Variants in GLI3 observed in about 807,000 individuals in gnomAD.
GLI3 encodes the protein GLI family zinc finger 3, also known as transcription activator GLI3.
In GLI3, 20 loss-of-function variants were observed where a neutral mutation model predicts 100.8. The observed-to-expected ratio is 0.20, with a 90% CI of 0.14 to 0.29. The LOEUF is 0.29. Among genes scored for constraint, GLI3 ranks in the 10% least tolerant of loss-of-function variants. GLI3 has a pLI of 1.00. For missense variants in GLI3, 2,040 were observed against 2,128.5 expected (o/e 0.96, Z 0.82); for synonymous variants, 938 against 860.5 (o/e 1.09, Z -1.58).
In GLI3 at chr7:42,056,798, A is replaced by AAAATAAATAAATAAATAAAT. The variant is rs553929567; in HGVS notation, c.474-8122_474-8103dup. Among the ~76,000 whole-genome samples, 1,086 of 148,488 alleles carry AAAATAAATAAATAAATAAAT rather than the reference A, an allele frequency of 7.3e-3. 7 individuals are homozygous for AAAATAAATAAATAAATAAAT. The highest frequency in any genetic ancestry group is 0.016 in the African/African-American group (648 of 40,044). On this transcript the variant is annotated intron_variant, in intron 4 of 14. Transcript: ENST00000395925. ...AAACCCCGTCTCTACTAAAAATACA[A>AAAATAAATAAATAAATAAAT]AAATAAATAAATAAATAAATAAATA...
Position 42,016,898 on chromosome 7 carries a change from CTTG to C in GLI3, c.1497+6567_1497+6569del, listed in dbSNP as rs542990834. Among the ~76,000 whole-genome samples the C allele has an allele frequency of 6.6e-5, 10 of 152,304 alleles. No individual in the cohort carries two copies. The South Asian group carries it at 2.1e-3, about 32-fold the overall frequency. On this transcript the variant is annotated intron_variant, in intron 10 of 14. Transcript: ENST00000395925. ...ATTATGGCTTCTTTATGTTTCACCT[CTTG>C]TTGTTCACTATGCTTTTATGTTTCC...
At chr7:42,201,653 C>A (rs528003366) in intron 2 of GLI3, among the ~76,000 whole-genome samples, 22 of 152,286 alleles carry the variant, frequency 1.4e-4, no homozygotes, top group African/African-American at 5.1e-4. Flanking sequence ...TACTACATAC[C>A]TAGGCTGTAT....
intron 12 of GLI3, among the ~76,000 whole-genome samples, chr7:41,976,369 G>A (rs1479359880): frequency 2.6e-5 from 4 of 152,222 alleles, no homozygotes; most frequent in African/African-American, 9.6e-5. Context: ...ACATGTGTGA[G>A]TTTATGAGTG....
chr7:42,040,235 G>A lies in GLI3; in HGVS notation c.831C>T (p.Thr277=). The change falls in exon 7 of 15, where the codon ACC becomes ACT. Residue 277 remains threonine, a synonymous_variant. Transcript: ENST00000395925. ...HMEYLHAMDS[T]RFSSPRLSAR... ...CTGACAGCCTGGGGCTGGAGAATCT[G>A]GTGCCTGTTATATAAACAAAAAAGA... 6.2e-7 allele frequency: 1 copy of A among 1,611,976 alleles called. No homozygotes were observed. The highest frequency in any genetic ancestry group is 1.1e-5 in the South Asian group (1 of 91,024).
At chr7:42,014,887 G>A (rs529732771) in intron 10 of GLI3, among the ~76,000 whole-genome samples, 46 of 151,954 alleles carry the variant, frequency 3.0e-4, no homozygotes, top group Non-Finnish European at 4.6e-4. Flanking sequence ...GCCTGCATAG[G>A]CGAGCCTGTG....
At chr7:42,253,879 T>G (rs991235123) in intron 1 of GLI3, among the ~76,000 whole-genome samples, 2 of 152,132 alleles carry the variant, frequency 1.3e-5, no homozygotes, top group Non-Finnish European at 2.9e-5. Flanking sequence ...AGTCTTTTTT[T>G]GGGATTTTCT....
In GLI3 at chr7:42,181,287, T is replaced by G. The variant is rs1787586469; in HGVS notation, c.125-32819A>C. Among the ~76,000 whole-genome samples the G allele has an allele frequency of 2.0e-5, 3 of 152,148 alleles. No individual in the cohort carries two copies. The South Asian group carries it at 6.2e-4, about 31-fold the overall frequency. ...ACATCACAGACAGCAATGGGTAACA[T>G]GACTTAAATTTCAGCCTATGCAGAA... On this transcript the variant is annotated intron_variant, in intron 2 of 14. Transcript: ENST00000395925.
At chr7:42,256,359 T>C (rs546268317) in intron 1 of GLI3, among the ~76,000 whole-genome samples, 1 of 152,180 alleles carries the variant, frequency 6.6e-6, no homozygotes, top group East Asian at 1.9e-4. Context: ...TCTTCACCCA[T>C]CCCAAGATAT....
chr7:42,049,818 G>A (rs1033971366), intron 4 of GLI3, among the ~76,000 whole-genome samples: 5 of 152,144 alleles, frequency 3.3e-5, no homozygotes, highest in African/African-American at 4.8e-5. Flanking sequence ...TGTGCTCCCC[G>A]CTTTTCCTCA....
At chr7:41,974,461 G>C (rs185996148) in intron 12 of GLI3, among the ~76,000 whole-genome samples, 133 of 152,274 alleles carry the variant, frequency 8.7e-4, no homozygotes, top group African/African-American at 3.1e-3. Flanking sequence ...AATATAATTA[G>C]AGACTAAGAA....
At position 41,964,161 on chromosome 7, in the gene GLI3, T is replaced by C. The variant is rs1583726828; in HGVS notation, c.*169A>G. ...AGTTTCTCCCTAGAATACTTTAGGG[T>C]TTTTCAGAGTCCTTTTCCATAAAAG... On this transcript the variant is annotated 3_prime_UTR_variant, in exon 15 of 15. Coordinates refer to ENST00000395925, the MANE Select transcript of GLI3 (RefSeq NM_000168.6). 2 of 607,982 alleles carry C rather than the reference T, an allele frequency of 3.3e-6. No homozygotes were observed. The highest frequency in any genetic ancestry group is 5.8e-5 in the East Asian group (2 of 34,780). 37.7% of individuals were successfully genotyped at this position (607,982 alleles called of 1,614,324 possible).
Position 41,965,224 on chromosome 7 carries a change from G to A in GLI3, c.3849C>T (p.Ser1283=). Residue 1283 remains serine (S), a synonymous_variant, in exon 15 of 15, where the codon AGC becomes AGT. Transcript: ENST00000395925. ...GGCCCCCGCTCCCTTGCATGGGGGT[G>A]CTCTTCAGCTTTGAGGCTTGAATCC... The part of the protein sequence containing the change: ...GAGIQASKLK[S]TPMQGSGGQL... 6.2e-7 allele frequency: 1 copy of A among 1,613,902 alleles called. No homozygotes were observed. Among genetic ancestry groups the A allele is most frequent in the South Asian group, 1.1e-5 (1 of 91,086 alleles).
Position 42,023,624 on chromosome 7 carries a change from G to C in GLI3, c.1357-16C>G, listed in dbSNP as rs751079629. On this transcript the variant is annotated splice_polypyrimidine_tract_variant and intron_variant, in intron 9 of 14. Coordinates refer to ENST00000395925, the MANE Select transcript of GLI3 (RefSeq NM_000168.6). ...CGGGCTGTTCCTGAAAGAAGAGGGT[G>C]GGGGGCAGGGAACAGAGAAGGGGGA... The C allele has an allele frequency of 2.8e-5, 45 of 1,591,882 alleles. 1 individual carries two copies. The South Asian group carries it at 3.4e-4, about 12-fold the overall frequency.
chr7:41,977,421 C>T (rs987308525), intron 12 of GLI3, 137 bp downstream of exon 12: 1 of 860,028 alleles, frequency 1.2e-6, no homozygotes, highest in African/African-American at 1.7e-5. Context: ...AAGCCTTCAC[C>T]TGCAGGGGCA....
At chr7:42,145,858 G>A (rs1413777394) in intron 3 of GLI3, among the ~76,000 whole-genome samples, 1 of 152,096 alleles carries the variant, frequency 6.6e-6, no homozygotes. Flanking sequence ...TATTTGCATT[G>A]TCTCAATTTC....
At chr7:41,996,280 G>C (rs1379849167) in intron 10 of GLI3, among the ~76,000 whole-genome samples, 1 of 151,418 alleles carries the variant, frequency 6.6e-6, no homozygotes, top group Non-Finnish European at 1.5e-5. Flanking sequence ...TTATTTGTTG[G>C]AACAATTATT....
intron 2 of GLI3, among the ~76,000 whole-genome samples, chr7:42,209,324 T>G (rs1788217500): frequency 1.3e-5 from 2 of 152,206 alleles, no homozygotes; most frequent in Non-Finnish European, 2.9e-5. Context: ...GTGCTGGGAT[T>G]ACAAGTATGG....
Position 41,965,261 on chromosome 7 carries a change from G to T in GLI3, c.3812C>A (p.Ala1271Asp). 6.2e-7 allele frequency: 1 copy of T among 1,613,640 alleles called. No individual in the cohort carries two copies. Among genetic ancestry groups the T allele is most frequent in the East Asian group, 2.2e-5 (1 of 44,852 alleles). The change falls in exon 15 of 15, where the codon GCC (alanine) becomes GAC (aspartate). Residue 1271 changes from alanine (A) to aspartate (D), a missense_variant. By Grantham distance (126) the Ala-to-Asp change is moderately radical. Transcript: ENST00000395925. ...TGAGGCTTGAATCCCGGCACCACAG[G>T]CACCGTCGAGTGCACCAGGGGCCAC... ...QPVAPGALDG[A>D]CGAGIQASKL...
chr7:42,104,265 G>A (rs375997780), intron 3 of GLI3, among the ~76,000 whole-genome samples: 7 of 152,106 alleles, frequency 4.6e-5, no homozygotes, highest in African/African-American at 1.7e-4. Flanking sequence ...AATGCATCAC[G>A]TAAAACCTAC....
Sources: allele counts gnomAD v4.1 joint callset (sites outside exome capture counted in the v4.1 genomes callset), GRCh38; gene constraint gnomAD v4.1.1; transcripts MANE v1.5; gene names NCBI Gene and HGNC (gene_info 2026-07-23, HGNC 2026-07-21).